The following C12orf50 variants were observed in gnomAD, a reference collection of about 807,000 sequenced individuals.
C12orf50 encodes the protein uncharacterized protein C12orf50.
Under a neutral mutation model 61.6 loss-of-function variants are expected in C12orf50, and 35 were observed. The ratio of observed to expected loss-of-function variants is 0.57; its 90% CI spans 0.43 to 0.75. The LOEUF (loss-of-function observed/expected upper bound fraction) is 0.75. Ranked by LOEUF, C12orf50 falls within the 30% of genes least tolerant of loss-of-function variation. The probability of loss-of-function intolerance (pLI) is 0.00; values close to 1 mark genes in which losing one functional copy is unlikely to be tolerated. For missense variants in C12orf50, 475 were observed against 488.5 expected (o/e 0.97, Z 0.26); for synonymous variants, 178 against 161.5 (o/e 1.10, Z -0.77).
chr12:88,013,363 G>T (rs889083092), intron 3 of C12orf50, among the ~76,000 whole-genome samples: 1 of 152,080 alleles, frequency 6.6e-6, no homozygotes, highest in Non-Finnish European at 1.5e-5. Flanking sequence ...ATTCCTATAC[G>T]TACTAAATTT....
intron 3 of C12orf50, among the ~76,000 whole-genome samples, chr12:87,998,926 G>A (rs2031536761): frequency 6.6e-6 from 1 of 152,184 alleles, no homozygotes; most frequent in African/African-American, 2.4e-5. Flanking sequence ...TAATTAAGTT[G>A]CACAACTTCA....
intron 6 of C12orf50, among the ~76,000 whole-genome samples, chr12:87,995,559 C>T (rs2031346137): frequency 6.6e-6 from 1 of 152,012 alleles, no homozygotes; most frequent in African/African-American, 2.4e-5. Context: ...AGGAATTAAC[C>T]AAAACTATTT....
At position 87,980,236 on chromosome 12, in the gene C12orf50, C is replaced by T. The variant is rs1592638833; in HGVS notation, c.*95G>A. Reference sequence around the variant, plus strand: ...GCTATCCACTACATAACATGGAGTACTTGAGTATCTCATTCTTTGAATTTT... The same window carrying T: ...GCTATCCACTACATAACATGGAGTATTTGAGTATCTCATTCTTTGAATTTT... On this transcript the variant is annotated 3_prime_UTR_variant, in exon 13 of 13. Transcript: ENST00000298699. 4.0e-6 allele frequency: 5 copies of T among 1,251,094 alleles called. No individual in the cohort carries two copies. The highest frequency in any genetic ancestry group is 2.3e-5 in the East Asian group (1 of 43,012). The allele number at this position is 1,251,094 out of a possible 1,614,324, so 77.5% of individuals were successfully genotyped here. A position where few individuals can be genotyped will look rare whatever the true frequency, so the allele number is the denominator to read the frequency against.
At position 88,008,076 on chromosome 12, in the gene C12orf50, C is replaced by A. The variant is rs2031955528; in HGVS notation, c.134-9886G>T. 2.0e-5 allele frequency among the ~76,000 whole-genome samples: 3 copies of A among 150,682 alleles called. No homozygotes were observed. In the South Asian group the frequency reaches 6.3e-4, roughly 32 times the overall value. ...GCAATAGCTTTTTTTTTTATCTTTT[C>A]TTTTCAGTTCAGGGGTACACGTGCA... On this transcript the variant is annotated intron_variant, in intron 3 of 12. Coordinates refer to ENST00000298699, the MANE Select transcript of C12orf50 (RefSeq NM_152589.3).
At chr12:87,994,232 G>T (rs998529585) in intron 7 of C12orf50, among the ~76,000 whole-genome samples, 2 of 151,410 alleles carry the variant, frequency 1.3e-5, no homozygotes, top group African/African-American at 4.9e-5. Flanking sequence ...TAAATAAGTA[G>T]ATAAATAAAA....
intron 12 of C12orf50, among the ~76,000 whole-genome samples, chr12:87,981,569 C>T (rs553664272): frequency 2.0e-4 from 31 of 152,172 alleles, no homozygotes; most frequent in Non-Finnish European, 4.0e-4. Flanking sequence ...GATGCTGGCT[C>T]AGTTTCTCCT....
chr12:88,016,553 G>T (rs1045760056), intron 3 of C12orf50, among the ~76,000 whole-genome samples: 3 of 152,304 alleles, frequency 2.0e-5, no homozygotes, highest in African/African-American at 4.8e-5. Context: ...AGCTGAGCTT[G>T]TTAGTTTATC....
chr12:87,999,162 C>T (rs1397898451), intron 3 of C12orf50, among the ~76,000 whole-genome samples: 3 of 152,120 alleles, frequency 2.0e-5, no homozygotes, highest in African/African-American at 2.4e-5. Context: ...GTTCCCAGCC[C>T]TCTCAGCCAG....
At chr12:87,988,579 C>A (rs965579921) in intron 8 of C12orf50, among the ~76,000 whole-genome samples, 1 of 152,098 alleles carries the variant, frequency 6.6e-6, no homozygotes, top group Non-Finnish European at 1.5e-5. Context: ...TGGGGAAAAC[C>A]TTTCCATCTC....
intron 3 of C12orf50, among the ~76,000 whole-genome samples, chr12:88,010,623 A>G (rs992958941): frequency 1.3e-5 from 2 of 151,720 alleles, no homozygotes; most frequent in African/African-American, 4.8e-5. Context: ...AACTAAACTT[A>G]TAATGAAAAA....
chr12:88,029,149 G>GT (rs745556918), intron 1 of C12orf50, 191 bp downstream of exon 1: 165,726 of 908,344 alleles, frequency 0.18, 7 homozygotes, highest in South Asian at 0.23. Flanking sequence ...TAATCCAATG[G>GT]TTTTTTTTTT....
At chr12:87,984,231 G>C (rs1314260491) in intron 11 of C12orf50, 1 of 152,076 alleles carries the variant, frequency 6.6e-6, no homozygotes, top group Non-Finnish European at 1.5e-5. Flanking sequence ...ACTTTTTGAT[G>C]GGGTTGTTTG....
intron 3 of C12orf50, among the ~76,000 whole-genome samples, chr12:87,999,815 G>A (rs1245401037): frequency 6.6e-6 from 1 of 152,034 alleles, no homozygotes; most frequent in East Asian, 1.9e-4. Context: ...ATAAAATGTG[G>A]CATATCCATA....
At chr12:88,002,412 C>A (rs1037070873) in intron 3 of C12orf50, among the ~76,000 whole-genome samples, 3 of 151,732 alleles carry the variant, frequency 2.0e-5, no homozygotes, top group Non-Finnish European at 4.4e-5. Flanking sequence ...GTGATCTATA[C>A]TGGAAAATGT....
chr12:88,022,609 T>A (rs1428485015), intron 3 of C12orf50, among the ~76,000 whole-genome samples: 1 of 152,276 alleles, frequency 6.6e-6, no homozygotes, highest in Admixed American at 6.5e-5. Context: ...GAAAACCTCA[T>A]AATCTCTGCC....
chr12:87,992,660 C>T (rs1165621929), intron 7 of C12orf50, among the ~76,000 whole-genome samples: 1 of 151,980 alleles, frequency 6.6e-6, no homozygotes, highest in Non-Finnish European at 1.5e-5. Context: ...CAAAATTAGC[C>T]TATAGTAATA....
At chr12:87,985,388 A>T (rs1261069116) in intron 11 of C12orf50, 1 of 166,302 alleles carries the variant, frequency 6.0e-6, no homozygotes, top group East Asian at 1.7e-4. Context: ...CAATCTATCC[A>T]TGGTGAGAGA....
chr12:88,008,603 A>G, intron 3 of C12orf50, among the ~76,000 whole-genome samples: 1 of 152,144 alleles, frequency 6.6e-6, no homozygotes, highest in African/African-American at 2.4e-5. Flanking sequence ...TAAATAAAGA[A>G]TTGTTTGCTT....
rs769559699 is a variant in C12orf50 at position 87,985,939 on chromosome 12, G to A, written c.1037C>T (p.Ala346Val). 1.9e-6 allele frequency: 3 copies of A among 1,613,862 alleles called. No homozygotes were observed. Among genetic ancestry groups the A allele is most frequent in the South Asian group, 2.2e-5 (2 of 91,080 alleles). ...HVQRDAVRTV[A>V]LNAPSRSRPT... ...CCTGCTGCGGGAAGGTGCATTCAACGCGACAGTCCTGACAGCATCTCTTTG... is the reference window on the plus strand; with the variant it reads ...CCTGCTGCGGGAAGGTGCATTCAACACGACAGTCCTGACAGCATCTCTTTG... The change falls in exon 11 of 13, where the codon GCG becomes GTG. Residue 346 changes from alanine (A) to valine (V), a missense_variant. Coordinates refer to ENST00000298699, the MANE Select transcript of C12orf50 (RefSeq NM_152589.3).
Sources: allele counts gnomAD v4.1 joint callset (sites outside exome capture counted in the v4.1 genomes callset), GRCh38; gene constraint gnomAD v4.1.1; transcripts MANE v1.5; gene names NCBI Gene and HGNC (gene_info 2026-07-23, HGNC 2026-07-21).